Variants in PSMC3IP observed in about 807,000 individuals in gnomAD.
PSMC3IP encodes the protein homologous-pairing protein 2 homolog.
In PSMC3IP, 26 loss-of-function variants were observed where a neutral mutation model predicts 34.9. The observed-to-expected ratio is 0.74, with a 90% CI of 0.55 to 1.03. PSMC3IP has a LOEUF of 1.03. Ranked by LOEUF, PSMC3IP falls within the 50% of genes least tolerant of loss-of-function variation. PSMC3IP has a pLI of 0.00. For missense variants in PSMC3IP, 250 were observed against 263.1 expected (o/e 0.95, Z 0.34); for synonymous variants, 87 against 96.5 (o/e 0.90, Z 0.57).
intron 3 of PSMC3IP, chr17:42,576,881 GAT>G (rs2143328433): frequency 2.7e-6 from 1 of 376,494 alleles, no homozygotes; most frequent in African/African-American, 2.1e-5. Flanking sequence ...ATATAAATTT[GAT>G]ATGTGTGTTT....
chr17:42,573,310 C>A lies in PSMC3IP; in HGVS notation c.537+1G>T, dbSNP rs764751405. ...CTGTCTCGGAGCTCCCACACACTTA[C>A]CATCCTCTTCCTCTTCCTCCACTCC... On this transcript the variant is annotated splice_donor_variant, in intron 6 of 7. Coordinates refer to ENST00000393795, the MANE Select transcript of PSMC3IP (RefSeq NM_016556.4). LOFTEE classifies it high-confidence loss of function. 6.2e-7 allele frequency: 1 copy of A among 1,614,152 alleles called. No homozygotes were observed. The highest frequency in any genetic ancestry group is 8.5e-7 in the Non-Finnish European group (1 of 1,180,032).
rs909981103 is a variant in PSMC3IP, at chr17:42,572,369, T to A, written c.*599A>T. ...AATGCAGTTTTGCTACGGTTACAAT[T>A]TTGAAATATTAACTGAGCCTCAAAA... On this transcript the variant is annotated 3_prime_UTR_variant, in exon 8 of 8. Transcript: ENST00000393795. 4.4e-6 allele frequency: 2 copies of A among 454,538 alleles called. No individual in the cohort carries two copies. The highest frequency in any genetic ancestry group is 8.8e-6 in the Non-Finnish European group (2 of 226,778). The allele number at this position is 454,538 out of a possible 1,614,324, so 28.2% of individuals were successfully genotyped here.
At position 42,572,469 on chromosome 17, in the gene PSMC3IP, G is replaced by A. The variant is rs1057055445; in HGVS notation, c.*499C>T. ...CCTGCATTTCTCCCAGGACTTGGGGGTGGGGTGAAAAGCGTACAAAAGATA... is the reference window on the plus strand; with the variant it reads ...CCTGCATTTCTCCCAGGACTTGGGGATGGGGTGAAAAGCGTACAAAAGATA... On this transcript the variant is annotated 3_prime_UTR_variant, in exon 8 of 8. Transcript: ENST00000393795. The A allele has an allele frequency of 2.2e-6, 1 of 454,422 alleles. No individual in the cohort carries two copies. The highest frequency in any genetic ancestry group is 2.0e-5 in the African/African-American group (1 of 49,942). 28.1% of individuals were successfully genotyped at this position (454,422 alleles called of 1,614,324 possible). A position where few individuals can be genotyped will look rare whatever the true frequency, so the allele number is the denominator to read the frequency against.
rs1417002147 is a variant in PSMC3IP at position 42,572,644 on chromosome 17, T to TGCCAG, written c.*323_*324insCTGGC. The TGCCAG allele has an allele frequency of 2.4e-6, 1 of 413,532 alleles. No individual in the cohort carries two copies. The highest frequency in any genetic ancestry group is 2.0e-5 in the African/African-American group (1 of 48,858). 25.6% of individuals were successfully genotyped at this position (413,532 alleles called of 1,614,324 possible). On this transcript the variant is annotated 3_prime_UTR_variant, in exon 8 of 8. Transcript: ENST00000393795. ...AGGTTTGATATCTGGCAGGTTTGAC[T>TGCCAG]ATCCAGAGGAAATTAAATATTTTTA...
chr17:42,575,884 G>T (rs977071416), intron 3 of PSMC3IP, among the ~76,000 whole-genome samples: 2 of 150,662 alleles, frequency 1.3e-5, no homozygotes, highest in Admixed American at 6.6e-5. Context: ...ATTAGGCTTC[G>T]TGGCGGGTGC....
chr17:42,576,967 G>C, intron 3 of PSMC3IP: 2 of 827,246 alleles, frequency 2.4e-6, no homozygotes, highest in Non-Finnish European at 1.8e-6. Context: ...AGGAATAAGA[G>C]CTTTGGAGCG....
chr17:42,573,947 A>G (rs957093438), intron 4 of PSMC3IP, 152 bp downstream of exon 4: 6 of 1,536,012 alleles, frequency 3.9e-6, no homozygotes, highest in Non-Finnish European at 5.2e-6. Flanking sequence ...GCCGTTAGTT[A>G]TCCTACATTT....
rs747455927 is a variant in PSMC3IP, at chr17:42,573,302, C to G, written c.537+9G>C. On this transcript the variant is annotated intron_variant, in intron 6 of 7. Coordinates refer to ENST00000393795, the MANE Select transcript of PSMC3IP (RefSeq NM_016556.4). ...TCCAGGGCCTGTCTCGGAGCTCCCA[C>G]ACACTTACCATCCTCTTCCTCTTCC... 3.1e-6 allele frequency: 5 copies of G among 1,614,162 alleles called. No homozygotes were observed. The South Asian group carries it at 5.5e-5, about 18-fold the overall frequency.
At position 42,572,772 on chromosome 17, in the gene PSMC3IP, G is replaced by T. The variant is rs1290192972; in HGVS notation, c.*196C>A. ...TACTGCAATTTAGACAATGAAATGG[G>T]CTGGGTCTACCCCCAGCCACCAGCC... On this transcript the variant is annotated 3_prime_UTR_variant, in exon 8 of 8. Coordinates refer to ENST00000393795, the MANE Select transcript of PSMC3IP (RefSeq NM_016556.4). 3 of 703,536 alleles carry T rather than the reference G, an allele frequency of 4.3e-6. No homozygotes were observed. The African/African-American group carries it at 5.3e-5, about 12-fold the overall frequency. The allele number at this position is 703,536 out of a possible 1,614,324, so 43.6% of individuals were successfully genotyped here. A position where few individuals can be genotyped will look rare whatever the true frequency, so the allele number is the denominator to read the frequency against.
rs1261894899 is a variant in PSMC3IP at position 42,572,862 on chromosome 17, A to AGT, written c.*104_*105dup. On this transcript the variant is annotated 3_prime_UTR_variant, in exon 8 of 8. Transcript: ENST00000393795. Reference sequence around the variant, plus strand: ...CCTGACTGCTCTGCTTAAAGGTGAAAGTAGCAGGAACAACAACAAAAGCCA... The same window carrying AGT: ...CCTGACTGCTCTGCTTAAAGGTGAAAGTGTAGCAGGAACAACAACAAAAGCCA... The AGT allele has an allele frequency of 1.5e-6, 2 of 1,326,834 alleles. No homozygotes were observed. Among genetic ancestry groups the AGT allele is most frequent in the Non-Finnish European group, 1.1e-6 (1 of 924,128 alleles). 82.2% of individuals were successfully genotyped at this position (1,326,834 alleles called of 1,614,324 possible).
chr17:42,572,940 G>A lies in PSMC3IP; in HGVS notation c.*28C>T, dbSNP rs2093044027. 2 of 1,612,582 alleles carry A rather than the reference G, an allele frequency of 1.2e-6. No individual in the cohort carries two copies. The highest frequency in any genetic ancestry group is 2.7e-5 in the African/African-American group (2 of 74,974). ...CATCTCACTCTTCTGACATCCTGCAGTCCCCACCAGTCCTGACCGTGGGCC... is the reference window on the plus strand; with the variant it reads ...CATCTCACTCTTCTGACATCCTGCAATCCCCACCAGTCCTGACCGTGGGCC... On this transcript the variant is annotated 3_prime_UTR_variant, in exon 8 of 8. Transcript: ENST00000393795.
At chr17:42,577,773 A>G (rs780972347), upstream of PSMC3IP, 32 of 1,518,584 alleles carry the variant, frequency 2.1e-5, no homozygotes, top group South Asian at 1.2e-4. Flanking sequence ...CGGGCCTCGA[A>G]CGGTGATTGG....
At chr17:42,575,953 G>A (rs1357904777) in intron 3 of PSMC3IP, among the ~76,000 whole-genome samples, 1 of 152,080 alleles carries the variant, frequency 6.6e-6, no homozygotes, top group Non-Finnish European at 1.5e-5. Flanking sequence ...CCCAGGAGGT[G>A]GAGCTTATAG....
Position 42,573,306 on chromosome 17 carries a change from C to CT in PSMC3IP, c.537+4dup, listed in dbSNP as rs768792069. On this transcript the variant is annotated splice_donor_region_variant and intron_variant, in intron 6 of 7. Coordinates refer to ENST00000393795, the MANE Select transcript of PSMC3IP (RefSeq NM_016556.4). ...GGGCCTGTCTCGGAGCTCCCACACA[C>CT]TTACCATCCTCTTCCTCTTCCTCCA... is the stretch of plus-strand genomic sequence containing the variant. 13 of 1,614,044 alleles carry CT rather than the reference C, an allele frequency of 8.1e-6. No individual in the cohort carries two copies. In the East Asian group the frequency reaches 2.9e-4, roughly 36 times the overall value.
At chr17:42,574,454 A>G in intron 3 of PSMC3IP, 2 of 1,113,660 alleles carry the variant, frequency 1.8e-6, no homozygotes, top group South Asian at 1.6e-5. Context: ...CTAGGTTGAC[A>G]GGATACTGAT....
intron 4 of PSMC3IP, 45 bp downstream of exon 4, chr17:42,574,054 T>A (rs760825374): frequency 6.2e-7 from 1 of 1,611,238 alleles, no homozygotes; most frequent in Non-Finnish European, 8.5e-7. Context: ...ACCTCTAGAA[T>A]GAACCTAAGC....
chr17:42,574,945 G>C (rs1415611899), intron 3 of PSMC3IP, among the ~76,000 whole-genome samples: 2 of 152,118 alleles, frequency 1.3e-5, no homozygotes, highest in Non-Finnish European at 2.9e-5. Context: ...GTAGAGAAGG[G>C]GTTTCACCAC....
chr17:42,574,835 C>T (rs973468662), intron 3 of PSMC3IP, among the ~76,000 whole-genome samples: 1 of 150,998 alleles, frequency 6.6e-6, no homozygotes, highest in African/African-American at 2.4e-5. Context: ...CTGACTGCAA[C>T]CTCCGCCTCC....
intron 3 of PSMC3IP, among the ~76,000 whole-genome samples, chr17:42,574,583 G>C (rs1407481020): frequency 6.6e-6 from 1 of 152,128 alleles, no homozygotes; most frequent in African/African-American, 2.4e-5. Context: ...ATAGAAACTG[G>C]ACAGGTGAAG....
Sources: allele counts gnomAD v4.1 joint callset (sites outside exome capture counted in the v4.1 genomes callset), GRCh38; gene constraint gnomAD v4.1.1; transcripts MANE v1.5; gene names NCBI Gene and HGNC (gene_info 2026-07-23, HGNC 2026-07-21).